Variants in TTC7B observed in about 807,000 individuals in gnomAD.
TTC7B encodes the protein tetratricopeptide repeat domain 7B.
In TTC7B, 28 loss-of-function variants were observed where a neutral mutation model predicts 106.8. The ratio of observed to expected loss-of-function variants is 0.26; its 90% CI spans 0.19 to 0.36. The LOEUF (loss-of-function observed/expected upper bound fraction) is 0.36. Ranked by LOEUF, TTC7B falls within the 10% of genes least tolerant of loss-of-function variation. The pLI, the probability that TTC7B is intolerant of heterozygous loss-of-function variation, is 1.00. For missense variants in TTC7B, 862 were observed against 1,076.4 expected, an observed-to-expected ratio of 0.80 and a Z score of 2.79; for synonymous variants, 405 against 430.6, an observed-to-expected ratio of 0.94 and a Z score of 0.74.
At chr14:90,721,010 A>G (rs147430778) in intron 5 of TTC7B, among the ~76,000 whole-genome samples, 307 of 152,122 alleles carry the variant, frequency 2.0e-3, no homozygotes, top group African/African-American at 7.1e-3. Flanking sequence ...ACCCAAGACA[A>G]ATGCTAACCA....
rs757276651 is a variant in TTC7B at position 90,624,969 on chromosome 14, C to T, written c.1752-6924G>A. On this transcript the variant is annotated intron_variant, in intron 15 of 19. Transcript: ENST00000328459. The surrounding 1 kb of genome is among the most constrained non-coding windows in gnomAD (Gnocchi z 4.0). ...GAAAAGCATGCGGGATCTGCCCAAG[C>T]GGGGCAGCGGCTGAGGGGGCCCTGG... Among the ~76,000 whole-genome samples the T allele has an allele frequency of 2.6e-5, 4 of 152,166 alleles. No individual in the cohort carries two copies. Among genetic ancestry groups the T allele is most frequent in the Admixed American group, 6.5e-5 (1 of 15,280 alleles).
intron 3 of TTC7B, among the ~76,000 whole-genome samples, chr14:90,756,846 A>G (rs929808550): frequency 5.3e-5 from 1 of 18,726 alleles, no homozygotes; most frequent in African/African-American, 6.2e-4. Flanking sequence ...CTTGCTTCCA[A>G]AAAGAGAACC....
intron 9 of TTC7B, among the ~76,000 whole-genome samples, chr14:90,670,847 C>T (rs1207168814): frequency 6.6e-6 from 1 of 152,142 alleles, no homozygotes; most frequent in Admixed American, 6.5e-5. Flanking sequence ...AGGCCCATCC[C>T]TTACTCTGCT....
At chr14:90,550,558 T>C (rs1312841471) in intron 19 of TTC7B, among the ~76,000 whole-genome samples, 1 of 152,206 alleles carries the variant, frequency 6.6e-6, no homozygotes, top group African/African-American at 2.4e-5. Flanking sequence ...CCAGTCAAGA[T>C]GGCCACCCTG....
chr14:90,625,438 C>T (rs1884398511), intron 15 of TTC7B, among the ~76,000 whole-genome samples: 2 of 152,212 alleles, frequency 1.3e-5, no homozygotes, highest in African/African-American at 4.8e-5. Flanking sequence ...GAGGGCCCAC[C>T]GTATGCTGCT....
intron 3 of TTC7B, among the ~76,000 whole-genome samples, chr14:90,748,730 A>G (rs1295163076): frequency 2.0e-5 from 3 of 151,986 alleles, no homozygotes; most frequent in African/African-American, 7.3e-5. Context: ...TCTTATGTAC[A>G]TTTTACTTTT....
chr14:90,629,711 T>C (rs917325630), intron 15 of TTC7B, among the ~76,000 whole-genome samples: 1 of 152,116 alleles, frequency 6.6e-6, no homozygotes, highest in African/African-American at 2.4e-5. Flanking sequence ...AGCACAAAAA[T>C]AAATAAACCT....
rs188503831 is a variant in TTC7B at position 90,647,603 on chromosome 14, T to C, written c.1518-580A>G. 2.0e-3 allele frequency among the ~76,000 whole-genome samples: 202 copies of C among 98,600 alleles called. 1 individual carries two copies. Among genetic ancestry groups the C allele is most frequent in the African/African-American group, 7.0e-3 (192 of 27,278 alleles). 64.7% of individuals were successfully genotyped at this position (98,600 alleles called of 152,430 possible). ...AAATTCCATGCCGTTCACTGATTTA[T>C]TGCAGATAACTGTCGTGTAAGAGTG... is the stretch of plus-strand genomic sequence containing the variant. On this transcript the variant is annotated intron_variant, in intron 13 of 19. Coordinates refer to ENST00000328459, the MANE Select transcript of TTC7B (RefSeq NM_001010854.2).
At chr14:90,558,711 G>A (rs1302052695) in intron 19 of TTC7B, among the ~76,000 whole-genome samples, 1 of 152,242 alleles carries the variant, frequency 6.6e-6, no homozygotes, top group African/African-American at 2.4e-5. Flanking sequence ...CCTCTGCCCT[G>A]CCGGCCTCTG....
chr14:90,546,545 G>A (rs1333070797), intron 19 of TTC7B, among the ~76,000 whole-genome samples: 2 of 152,178 alleles, frequency 1.3e-5, no homozygotes, highest in Admixed American at 6.5e-5. Flanking sequence ...GGGCCTTCCT[G>A]CTAGAGCCCT....
intron 9 of TTC7B, among the ~76,000 whole-genome samples, chr14:90,669,325 C>T (rs539840551): frequency 7.9e-5 from 12 of 152,202 alleles, no homozygotes; most frequent in African/African-American, 2.4e-4. Context: ...GTTATGACAC[C>T]AAAGGCATAA....
intron 19 of TTC7B, among the ~76,000 whole-genome samples, chr14:90,542,755 G>A (rs968981889): frequency 6.6e-6 from 1 of 152,100 alleles, no homozygotes; most frequent in South Asian, 2.1e-4. Context: ...GGTGGGGAGG[G>A]GAGTCCAGTG....
chr14:90,815,834 C>A lies in TTC7B; in HGVS notation c.121+341G>T, dbSNP rs1349556797. Among the ~76,000 whole-genome samples the A allele has an allele frequency of 2.0e-5, 3 of 152,134 alleles. No individual in the cohort carries two copies. In the East Asian group the frequency reaches 5.8e-4, roughly 29 times the overall value. ...CCCCTCACCCCATCACCTCCAACTT[C>A]TTGGAAGCCCCAGGCCGGCCCCTGA... On this transcript the variant is annotated intron_variant, in intron 1 of 19. Coordinates refer to ENST00000328459, the MANE Select transcript of TTC7B (RefSeq NM_001010854.2).
intron 1 of TTC7B, among the ~76,000 whole-genome samples, chr14:90,786,738 C>T (rs1441643717): frequency 1.3e-5 from 2 of 152,122 alleles, no homozygotes; most frequent in Non-Finnish European, 2.9e-5. Context: ...TGCCATCACG[C>T]CCGACTACTT....
At chr14:90,593,305 C>T (rs1393188624) in intron 18 of TTC7B, among the ~76,000 whole-genome samples, 181 bp downstream of exon 18, 1 of 152,250 alleles carries the variant, frequency 6.6e-6, no homozygotes, top group Non-Finnish European at 1.5e-5. Context: ...TACAGAGTCA[C>T]TTGCGGTTTG....
At chr14:90,785,373 G>A (rs1376763793) in intron 2 of TTC7B, among the ~76,000 whole-genome samples, 3 of 152,096 alleles carry the variant, frequency 2.0e-5, no homozygotes, top group Non-Finnish European at 4.4e-5. Flanking sequence ...AGCTCCAGAA[G>A]TTCACCAAAG....
chr14:90,553,727 C>T (rs569304912), intron 19 of TTC7B, among the ~76,000 whole-genome samples: 5 of 152,318 alleles, frequency 3.3e-5, no homozygotes, highest in African/African-American at 4.8e-5. Context: ...GGAGGCATGG[C>T]GGATTCAGAC....
At position 90,812,395 on chromosome 14, in the gene TTC7B, T is replaced by C. The variant is rs531628084; in HGVS notation, c.121+3780A>G. Reference sequence around the variant, plus strand: ...CACATGAAGCTGATGTGCAGCTCTGTCTTTATCCCTGAGCGCTCAGGCTGC... The same window carrying C: ...CACATGAAGCTGATGTGCAGCTCTGCCTTTATCCCTGAGCGCTCAGGCTGC... On this transcript the variant is annotated intron_variant, in intron 1 of 19. Transcript: ENST00000328459. Among the ~76,000 whole-genome samples the C allele has an allele frequency of 2.5e-3, 386 of 152,252 alleles. 1 individual carries two copies. The highest frequency in any genetic ancestry group is 3.7e-3 in the South Asian group (18 of 4,818).
At chr14:90,616,174 G>A (rs1379949949) in intron 16 of TTC7B, among the ~76,000 whole-genome samples, 1 of 152,136 alleles carries the variant, frequency 6.6e-6, no homozygotes, top group African/African-American at 2.4e-5. Context: ...TTCTAAAGGG[G>A]GTACAGGCAA....
Sources: allele counts gnomAD v4.1 joint callset (sites outside exome capture counted in the v4.1 genomes callset), GRCh38; gene constraint gnomAD v4.1.1; non-coding constraint Gnocchi (gnomAD v3.1); transcripts MANE v1.5; gene names NCBI Gene and HGNC (gene_info 2026-07-23, HGNC 2026-07-21).